The following ZNF804A variants were observed in gnomAD, a reference collection of about 807,000 sequenced individuals.
ZNF804A encodes zinc finger protein 804A.
A neutral mutation model predicts 16.5 loss-of-function variants in ZNF804A; 2 were observed. The observed-to-expected ratio is 0.12, with a 90% CI of 0.05 to 0.38. The LOEUF (loss-of-function observed/expected upper bound fraction) is 0.38, where lower values mean the gene tolerates loss of function less well. Among genes scored for constraint, ZNF804A ranks in the 10% least tolerant of loss-of-function variants. The probability of loss-of-function intolerance (pLI) is 0.99; values close to 1 mark genes in which losing one functional copy is unlikely to be tolerated. For missense variants in ZNF804A, 1,473 were observed against 1,390.7 expected (o/e 1.06, Z -0.94); for synonymous variants, 534 against 489.6 (o/e 1.09, Z -1.20).
At chr2:184,800,792 C>G (rs1412313044) in intron 1 of ZNF804A, among the ~76,000 whole-genome samples, 1 of 151,920 alleles carries the variant, frequency 6.6e-6, no homozygotes, top group Non-Finnish European at 1.5e-5. Context: ...TTCTAGAGTT[C>G]ATTTTATTTA....
At chr2:184,760,519 G>A (rs1026198963) in intron 1 of ZNF804A, among the ~76,000 whole-genome samples, 4 of 152,064 alleles carry the variant, frequency 2.6e-5, no homozygotes, top group African/African-American at 9.7e-5. Context: ...TTAAAGTAGA[G>A]CTTAAGTTGG....
At chr2:184,634,995 C>T (rs920357688) in intron 1 of ZNF804A, among the ~76,000 whole-genome samples, 1 of 152,096 alleles carries the variant, frequency 6.6e-6, no homozygotes. Context: ...AAACACATGA[C>T]TCACAGAGAT....
chr2:184,670,115 T>A (rs1245115347), intron 1 of ZNF804A, among the ~76,000 whole-genome samples: 1 of 152,140 alleles, frequency 6.6e-6, no homozygotes. Flanking sequence ...TTTCTGAAAG[T>A]GTTAGTATTG....
At position 184,650,650 on chromosome 2, in the gene ZNF804A, A is replaced by G. The variant is rs1051650758; in HGVS notation, c.111+51580A>G. 3.9e-5 allele frequency among the ~76,000 whole-genome samples: 6 copies of G among 152,260 alleles called. No individual in the cohort carries two copies. The East Asian group carries it at 1.2e-3, about 29-fold the overall frequency. On this transcript the variant is annotated intron_variant, in intron 1 of 3. Transcript: ENST00000302277. ...AATCAGTAGCATTTCTTAACATCTG[A>G]GAGTCAAACCAAGAACACAATCCCA...
intron 2 of ZNF804A, among the ~76,000 whole-genome samples, chr2:184,880,008 A>G (rs952367076): frequency 5.3e-5 from 8 of 151,990 alleles, no homozygotes; most frequent in Non-Finnish European, 1.2e-4. Flanking sequence ...TAGCAATTAC[A>G]TGTTACTGAG....
At chr2:184,864,249 A>G (rs935198665) in intron 1 of ZNF804A, among the ~76,000 whole-genome samples, 3 of 152,146 alleles carry the variant, frequency 2.0e-5, no homozygotes, top group African/African-American at 7.2e-5. Flanking sequence ...AGAGGAAGCA[A>G]GAGAGAGCTA....
At chr2:184,716,621 T>G (rs1693218006) in intron 1 of ZNF804A, among the ~76,000 whole-genome samples, 1 of 152,176 alleles carries the variant, frequency 6.6e-6, no homozygotes, top group Non-Finnish European at 1.5e-5. Context: ...AAGAATATCA[T>G]ATAATTTAAA....
intron 1 of ZNF804A, among the ~76,000 whole-genome samples, chr2:184,722,918 A>G (rs977032582): frequency 6.6e-6 from 1 of 152,010 alleles, no homozygotes; most frequent in African/African-American, 2.4e-5. Flanking sequence ...TTTAGGCTTC[A>G]TTTAAAGTGT....
At chr2:184,612,491 T>G (rs1407498956) in intron 1 of ZNF804A, among the ~76,000 whole-genome samples, 1 of 151,164 alleles carries the variant, frequency 6.6e-6, no homozygotes, top group Non-Finnish European at 1.5e-5. Context: ...CAGGCTGGAG[T>G]GCAGTGGTGT....
chr2:184,911,967 A>C (rs911522325), intron 2 of ZNF804A, among the ~76,000 whole-genome samples: 1 of 151,930 alleles, frequency 6.6e-6, no homozygotes, highest in Non-Finnish European at 1.5e-5. Context: ...ATTGAGATTT[A>C]TTTAGAAAAG....
At chr2:184,765,272 G>A (rs1004678005) in intron 1 of ZNF804A, among the ~76,000 whole-genome samples, 4 of 152,088 alleles carry the variant, frequency 2.6e-5, no homozygotes, top group Non-Finnish European at 5.9e-5. Context: ...AAATTGGAAC[G>A]TGCTGCTAAG....
Position 184,788,455 on chromosome 2 carries a change from T to A in ZNF804A, c.112-77914T>A, listed in dbSNP as rs374798459. On this transcript the variant is annotated intron_variant, in intron 1 of 3. Coordinates refer to ENST00000302277, the MANE Select transcript of ZNF804A (RefSeq NM_194250.2). ...ATGGTAATTTGAACAATATTGATTA[T>A]GTAAATCCATGAGCTTGAGACAATT... Among the ~76,000 whole-genome samples, 83 of 152,186 alleles carry A rather than the reference T, an allele frequency of 5.5e-4. 1 individual carries two copies. The South Asian group carries it at 0.017, about 31-fold the overall frequency.
intron 1 of ZNF804A, among the ~76,000 whole-genome samples, chr2:184,827,227 A>T (rs1352701503): frequency 6.6e-6 from 1 of 151,388 alleles, no homozygotes; most frequent in Non-Finnish European, 1.5e-5. Context: ...TATAGATGAG[A>T]TATATATGAC....
At chr2:184,657,177 A>G (rs191082108) in intron 1 of ZNF804A, among the ~76,000 whole-genome samples, 6 of 152,154 alleles carry the variant, frequency 3.9e-5, no homozygotes, top group Admixed American at 2.0e-4. Flanking sequence ...CCTTGATCTC[A>G]TGGGCTCAAT....
chr2:184,819,632 C>A (rs997287255), intron 1 of ZNF804A, among the ~76,000 whole-genome samples: 5 of 151,162 alleles, frequency 3.3e-5, no homozygotes, highest in Non-Finnish European at 7.4e-5. Flanking sequence ...AATGGAGGAG[C>A]TGTTTTTAAA....
intron 1 of ZNF804A, among the ~76,000 whole-genome samples, chr2:184,662,965 A>C (rs1374717560): frequency 6.6e-6 from 1 of 152,186 alleles, no homozygotes; most frequent in Non-Finnish European, 1.5e-5. Context: ...CCTAATATGC[A>C]TTTTATTAGG....
chr2:184,602,119 C>A (rs1210452422), intron 1 of ZNF804A, among the ~76,000 whole-genome samples: 1 of 151,858 alleles, frequency 6.6e-6, no homozygotes, highest in Non-Finnish European at 1.5e-5. Flanking sequence ...CATATTATAC[C>A]ACCCAAACAT....
intron 1 of ZNF804A, among the ~76,000 whole-genome samples, chr2:184,830,384 A>G (rs1284832623): frequency 6.6e-6 from 1 of 152,134 alleles, no homozygotes; most frequent in Non-Finnish European, 1.5e-5. Flanking sequence ...ATAATATGTG[A>G]TCTGCTTGGT....
chr2:184,882,518 C>T (rs1303414039), intron 2 of ZNF804A, among the ~76,000 whole-genome samples: 1 of 152,006 alleles, frequency 6.6e-6, no homozygotes, highest in Non-Finnish European at 1.5e-5. Flanking sequence ...TTCTCATTTT[C>T]ACATGGCACA....
Sources: allele counts gnomAD v4.1 joint callset (sites outside exome capture counted in the v4.1 genomes callset), GRCh38; gene constraint gnomAD v4.1.1; transcripts MANE v1.5; gene names NCBI Gene and HGNC (gene_info 2026-07-23, HGNC 2026-07-21).